Variants in GRM5 observed in about 807,000 individuals in gnomAD.
The protein encoded by GRM5 is metabotropic glutamate receptor 5.
A neutral mutation model predicts 83.1 loss-of-function variants in GRM5; 19 were observed. The observed-to-expected ratio is 0.23, with a 90% CI of 0.16 to 0.34. The LOEUF (loss-of-function observed/expected upper bound fraction) is 0.34, where lower values mean the gene tolerates loss of function less well. Among genes scored for constraint, GRM5 ranks in the 10% least tolerant of loss-of-function variants. GRM5 has a pLI of 1.00. For synonymous variants in GRM5, 675 were observed against 633.6 expected, an observed-to-expected ratio of 1.07 and a Z score of -0.98; for missense variants, 1,160 against 1,588.3, an observed-to-expected ratio of 0.73 and a Z score of 4.58.
intron 2 of GRM5, among the ~76,000 whole-genome samples, chr11:89,015,591 A>G (rs1940832196): frequency 6.6e-6 from 1 of 152,096 alleles, no homozygotes; most frequent in Non-Finnish European, 1.5e-5. Context: ...TGGCCAGTTC[A>G]TTTTTTTAAT....
intron 8 of GRM5, among the ~76,000 whole-genome samples, chr11:88,551,326 C>A (rs934847150): frequency 6.6e-6 from 1 of 152,164 alleles, no homozygotes; most frequent in Non-Finnish European, 1.5e-5. Flanking sequence ...AAGAACTTGA[C>A]TTTAAATCCT....
At chr11:88,918,303 C>A (rs1314126941) in intron 2 of GRM5, among the ~76,000 whole-genome samples, 3 of 151,774 alleles carry the variant, frequency 2.0e-5, no homozygotes, top group Admixed American at 6.6e-5. Flanking sequence ...TAAAAAAATT[C>A]CCCTGGCAAA....
chr11:88,973,760 G>C (rs965884040), intron 2 of GRM5, among the ~76,000 whole-genome samples: 15 of 152,004 alleles, frequency 9.9e-5, no homozygotes, highest in Non-Finnish European at 1.5e-4. Context: ...AGGAGTAATG[G>C]GGTATCATAA....
intron 2 of GRM5, among the ~76,000 whole-genome samples, chr11:88,990,903 A>G (rs1939941584): frequency 6.6e-6 from 1 of 152,160 alleles, no homozygotes; most frequent in Non-Finnish European, 1.5e-5. Flanking sequence ...CACAGCCAAT[A>G]TCGTACTGAA....
At chr11:89,050,009 G>A (rs1348877593) in intron 1 of GRM5, among the ~76,000 whole-genome samples, 3 of 152,186 alleles carry the variant, frequency 2.0e-5, no homozygotes, top group Admixed American at 6.5e-5. Context: ...AACAAAACAC[G>A]ACTCATTTTT....
At chr11:88,838,868 TAC>T (rs59388840) in intron 3 of GRM5, among the ~76,000 whole-genome samples, 37,950 of 144,608 alleles carry the variant, frequency 0.26, 5,121 homozygotes, top group South Asian at 0.52. Context: ...CCCCTTATGC[TAC>T]ACACACACAC....
At chr11:88,869,421 T>G (rs905676895) in intron 2 of GRM5, among the ~76,000 whole-genome samples, 5 of 151,702 alleles carry the variant, frequency 3.3e-5, no homozygotes, top group African/African-American at 1.2e-4. Flanking sequence ...TTCCAAGAAC[T>G]CCAGCAATGC....
chr11:88,986,542 T>C (rs2135034573), intron 2 of GRM5, among the ~76,000 whole-genome samples: 1 of 152,278 alleles, frequency 6.6e-6, no homozygotes, highest in South Asian at 2.1e-4. Context: ...CATTTTTATT[T>C]GGGTTACTTG....
intron 3 of GRM5, among the ~76,000 whole-genome samples, chr11:88,833,833 G>A (rs757000455): frequency 2.6e-5 from 4 of 152,122 alleles, no homozygotes; most frequent in Non-Finnish European, 4.4e-5. Context: ...GGATGAAACT[G>A]GTGTTCATTA....
intron 2 of GRM5, among the ~76,000 whole-genome samples, chr11:89,002,234 A>G (rs1473800381): frequency 1.6e-4 from 25 of 152,310 alleles, no homozygotes; most frequent in African/African-American, 6.0e-4. Context: ...CCAGAGGATT[A>G]TGCTTTAAAT....
chr11:88,556,369 C>G (rs1204296305), intron 8 of GRM5, among the ~76,000 whole-genome samples: 1 of 146,984 alleles, frequency 6.8e-6, no homozygotes, highest in Non-Finnish European at 1.5e-5. Context: ...GTCACCTAGG[C>G]TGGAGTGCAA....
rs11823358 is a variant in GRM5 at position 89,028,639 on chromosome 11, T to C, written c.661+18573A>G. ...AAACACATTTGAAGTACTATAATTT[T>C]TAGCCATATATCACATGACGAAAGT... On this transcript the variant is annotated intron_variant, in intron 2 of 9. Coordinates refer to ENST00000305447, the MANE Select transcript of GRM5 (RefSeq NM_001143831.3). 8.9e-3 allele frequency among the ~76,000 whole-genome samples: 1,352 copies of C among 152,268 alleles called. 17 individuals are homozygous for C. Among genetic ancestry groups the C allele is most frequent in the African/African-American group, 0.031 (1,295 of 41,544 alleles).
chr11:88,672,352 C>T (rs1419412666), intron 3 of GRM5, among the ~76,000 whole-genome samples: 1 of 151,940 alleles, frequency 6.6e-6, no homozygotes, highest in Admixed American at 6.6e-5. Context: ...CATATTATAT[C>T]TGTCCTAAAT....
intron 8 of GRM5, among the ~76,000 whole-genome samples, chr11:88,561,742 T>C (rs908088761): frequency 6.6e-6 from 1 of 152,270 alleles, no homozygotes; most frequent in South Asian, 2.1e-4. Context: ...ATAAATAGCA[T>C]GTTTCCATAT....
At chr11:88,865,205 C>G (rs1309593729) in intron 2 of GRM5, among the ~76,000 whole-genome samples, 1 of 152,032 alleles carries the variant, frequency 6.6e-6, no homozygotes, top group Non-Finnish European at 1.5e-5. Flanking sequence ...CATATCAAAA[C>G]AAATATATAT....
At chr11:88,867,731 A>G (rs565820329) in intron 2 of GRM5, among the ~76,000 whole-genome samples, 4 of 151,788 alleles carry the variant, frequency 2.6e-5, no homozygotes, top group African/African-American at 7.2e-5. Context: ...GTGAAGATGC[A>G]AGGAGAAGAT....
chr11:88,605,831 G>A (rs1171807605), intron 4 of GRM5, among the ~76,000 whole-genome samples: 1 of 152,212 alleles, frequency 6.6e-6, no homozygotes. Flanking sequence ...TATGGACTTA[G>A]TGCCTGTTAT....
intron 2 of GRM5, among the ~76,000 whole-genome samples, chr11:88,915,360 T>G (rs1263550143): frequency 1.3e-5 from 2 of 152,118 alleles, no homozygotes; most frequent in African/African-American, 4.8e-5. Context: ...CTTTTTTTAA[T>G]GTGCGGCATA....
intron 9 of GRM5, chr11:88,511,931 C>G (rs1169322361): frequency 6.6e-6 from 1 of 152,240 alleles, no homozygotes; most frequent in Non-Finnish European, 1.5e-5. Context: ...AAAGCATGGA[C>G]TTGAAATCAG....
Sources: gnomAD v4.1 joint callset for allele counts (sites outside exome capture counted in the v4.1 genomes callset) on GRCh38, gnomAD v4.1.1 for gene constraint, MANE v1.5 for transcripts, NCBI Gene and HGNC (gene_info 2026-07-23, HGNC 2026-07-21) for gene names.